ELK1: variants seen among roughly 807,000 people sequenced by gnomAD.
ELK1 encodes ETS domain-containing protein Elk-1.
For synonymous variants in ELK1, 163 were observed against 176.3 expected, an observed-to-expected ratio of 0.92 and a Z score of 0.60; for missense variants, 254 against 381.5, an observed-to-expected ratio of 0.67 and a Z score of 2.78.
At chrX:47,642,271 A>G (rs941735886) in intron 2 of ELK1, among the ~76,000 whole-genome samples, 3 of 112,809 alleles carry the variant, frequency 2.7e-5, no homozygotes, top group Non-Finnish European at 5.6e-5. Context: ...ACAGAACTGT[A>G]AGATAACAAA....
intron 2 of ELK1, among the ~76,000 whole-genome samples, chrX:47,644,760 G>A (rs759325512): frequency 1.7e-4 from 19 of 110,588 alleles, no homozygotes; most frequent in Non-Finnish European, 3.4e-4. Context: ...GAGGAGGGAG[G>A]CAGCGGGAGA....
At position 47,639,140 on chromosome X, in the gene ELK1, C is replaced by T. The variant is rs746386556; in HGVS notation, c.409G>A (p.Ala137Thr). 9.1e-6 allele frequency: 11 copies of T among 1,205,666 alleles called. No homozygotes were observed. Among genetic ancestry groups the T allele is most frequent in the South Asian group, 8.9e-5 (5 of 55,970 alleles). The change falls in exon 4 of 7, where the codon GCA (alanine) becomes ACA (threonine). Residue 137 changes from alanine (A) to threonine (T), a missense_variant. By Grantham distance (58) the Ala-to-Thr change is moderately conservative. Transcript: ENST00000376983. Reference protein sequence around the residue: ...VSGKPGTPKGAGMAGPGGLAR... With the variant: ...VSGKPGTPKGTGMAGPGGLAR... The stretch of plus-strand genomic sequence containing the variant: ...AAACCGCCTGGGCCTGCCATTCCTG[C>T]ACCCTTGGGTGTGCCTGGCTTTCCA...
At chrX:47,646,876 C>G (rs140286515) in intron 2 of ELK1, among the ~76,000 whole-genome samples, 2,044 of 111,900 alleles carry the variant, frequency 0.018, 20 homozygotes, top group Middle Eastern at 0.055. Context: ...TCCAGCCACA[C>G]TGGCCGCCTT....
chrX:47,636,777 G>A lies in ELK1; in HGVS notation c.*52C>T, dbSNP rs1356566961. 9.8e-6 allele frequency: 10 copies of A among 1,025,388 alleles called. No individual in the cohort carries two copies. The highest frequency in any genetic ancestry group is 7.2e-5 in the Admixed American group (2 of 27,628). The allele number at this position is 1,025,388 out of a possible 1,213,427, so 84.5% of individuals were successfully genotyped here. A position where few individuals can be genotyped will look rare whatever the true frequency, so the allele number is the denominator to read the frequency against. ...TTTCTCCTTGAGATGGCTGGCTGGAGAGAGCATGGATGGAGTGACCCCAGA... is the reference window on the plus strand; with the variant it reads ...TTTCTCCTTGAGATGGCTGGCTGGAAAGAGCATGGATGGAGTGACCCCAGA... On this transcript the variant is annotated 3_prime_UTR_variant, in exon 7 of 7. Coordinates refer to ENST00000376983, the MANE Select transcript of ELK1 (RefSeq NM_001114123.3).
intron 2 of ELK1, among the ~76,000 whole-genome samples, chrX:47,647,442 G>A (rs2058047307): frequency 9.0e-6 from 1 of 111,635 alleles, no homozygotes; most frequent in African/African-American, 3.3e-5. Flanking sequence ...GATTACTGGT[G>A]TTAGCCACCG....
At position 47,638,883 on chromosome X, in the gene ELK1, T is replaced by A; in HGVS notation, c.654+12A>T. The A allele has an allele frequency of 8.4e-7, 1 of 1,195,623 alleles. No homozygotes were observed. Among genetic ancestry groups the A allele is most frequent in the Non-Finnish European group, 1.1e-6 (1 of 887,491 alleles). On this transcript the variant is annotated intron_variant, in intron 4 of 6. Coordinates refer to ENST00000376983, the MANE Select transcript of ELK1 (RefSeq NM_001114123.3). ...GCCTCCTCTTACTGAATTTCTATAT[T>A]CCAGTCCTTACCTGCAGAGGCAAGC...
intron 3 of ELK1, among the ~76,000 whole-genome samples, chrX:47,640,827 A>T (rs1054088590): frequency 5.3e-5 from 6 of 112,189 alleles, no homozygotes; most frequent in Non-Finnish European, 9.4e-5. Flanking sequence ...ATAAGAGAAG[A>T]CTATGAAATA....
chrX:47,639,011 C>A lies in ELK1; in HGVS notation c.538G>T (p.Val180Leu). The change falls in exon 4 of 7, where the codon GTG becomes TTG. Residue 180 changes from valine to leucine, a missense_variant. Coordinates refer to ENST00000376983, the MANE Select transcript of ELK1 (RefSeq NM_001114123.3). ...CCTGCAGGAGCTGCACTGGGGAGCA[C>A]CACAGCAGGCCGAGGATGAGGGGGT... ...QPPPHPRPAV[V>L]LPSAAPAGAA... 7.5e-6 allele frequency: 9 copies of A among 1,201,463 alleles called. No homozygotes were observed. The highest frequency in any genetic ancestry group is 1.0e-5 in the Non-Finnish European group (9 of 890,616).
intron 2 of ELK1, among the ~76,000 whole-genome samples, chrX:47,642,616 T>TG (rs1457577752): frequency 3.7e-5 from 4 of 107,068 alleles, no homozygotes; most frequent in Non-Finnish European, 7.7e-5. Context: ...TTTTTTGAGA[T>TG]GGAGTCTCTC....
chrX:47,650,190 A>C (rs1370121967), intron 1 of ELK1, among the ~76,000 whole-genome samples, 164 bp from the exon 2 acceptor site: 1 of 109,858 alleles, frequency 9.1e-6, no homozygotes, highest in Non-Finnish European at 1.9e-5. Flanking sequence ...GAAAAACATA[A>C]GCACGCAGAC....
intron 4 of ELK1, 103 bp from the exon 5 acceptor site, chrX:47,638,285 A>T (rs2058016654): frequency 2.0e-6 from 2 of 996,738 alleles, no homozygotes; most frequent in East Asian, 6.6e-5. Context: ...GGCACTTGGT[A>T]CTCAGGGCAT....
intron 1 of ELK1, 70 bp downstream of exon 1, chrX:47,650,353 T>G: frequency 3.9e-6 from 1 of 256,603 alleles, no homozygotes; most frequent in Non-Finnish European, 7.4e-6. Context: ...AGCCACATCC[T>G]CTGCGCGGGG....
rs752325820 is a variant in ELK1, at chrX:47,639,275, C to T, written c.274G>A (p.Ala92Thr). 43 of 1,207,725 alleles carry T rather than the reference C, an allele frequency of 3.6e-5. No individual in the cohort carries two copies. In the Admixed American group the frequency reaches 3.9e-4, roughly 11 times the overall value. ...GGGCAGTCCTCAGTGGAGCACCCTGCGACCTCAGGGTAGGACACAAACTTG... is the reference window on the plus strand; with the variant it reads ...GGGCAGTCCTCAGTGGAGCACCCTGTGACCTCAGGGTAGGACACAAACTTG... ...VYKFVSYPEV[A>T]GCSTEDCPPQ... The change falls in exon 4 of 7, where the codon GCA becomes ACA. Residue 92 changes from alanine to threonine, a missense_variant. Transcript: ENST00000376983.
chrX:47,640,246 G>C (rs141435861), intron 3 of ELK1, among the ~76,000 whole-genome samples: 2 of 110,688 alleles, frequency 1.8e-5, no homozygotes, highest in Non-Finnish European at 3.8e-5. Flanking sequence ...TATTGTTCTG[G>C]AGGGTTGAGC....
intron 2 of ELK1, among the ~76,000 whole-genome samples, chrX:47,649,694 C>T (rs2058053582): frequency 9.1e-6 from 1 of 110,325 alleles, no homozygotes; most frequent in Non-Finnish European, 1.9e-5. Context: ...CTAAACTAAC[C>T]CACTATTAAA....
At position 47,638,123 on chromosome X, in the gene ELK1, C is replaced by G; in HGVS notation, c.714G>C (p.Pro238=). Residue 238 remains proline (P), a synonymous_variant, in exon 5 of 7, where the codon CCG becomes CCC. Transcript: ENST00000376983. ...NLKSEELNVE[P]GLGRALPPEV... is the part of the protein sequence containing the mutation. ...CTGGGGGCAAAGCCCGGCCCAAACCCGGCTCCACATTAAGCTCTTCCGATT... is the reference window on the plus strand; with the variant it reads ...CTGGGGGCAAAGCCCGGCCCAAACCGGGCTCCACATTAAGCTCTTCCGATT... 1 of 1,210,682 alleles carries G rather than the reference C, an allele frequency of 8.3e-7. No homozygotes were observed. The highest frequency in any genetic ancestry group is 1.1e-6 in the Non-Finnish European group (1 of 895,062).
In ELK1 at chrX:47,637,754, T is replaced by C. The variant is rs2058013667; in HGVS notation, c.1083A>G (p.Thr361=). The change falls in exon 5 of 7, where the codon ACA becomes ACG. Residue 361 remains threonine, a synonymous_variant. Transcript: ENST00000376983. ...CCACCCCTCCGCAGGCACTCACCAA[T>C]GTATGCGTAGGAAGCAGGGATGGGG... ...ALTPSLLPTH[T]LTPVLLTPSS... is the part of the protein sequence containing the mutation. 1 of 1,187,497 alleles carries C rather than the reference T, an allele frequency of 8.4e-7. No individual in the cohort carries two copies. Among genetic ancestry groups the C allele is most frequent in the Non-Finnish European group, 1.1e-6 (1 of 882,492 alleles).
At position 47,635,825 on chromosome X, in the gene ELK1, G is replaced by T. The variant is rs1261423766; in HGVS notation, c.*1004C>A. The T allele has an allele frequency of 1.8e-5, 2 of 111,156 alleles. No homozygotes were observed. Among genetic ancestry groups the T allele is most frequent in the Admixed American group, 9.5e-5 (1 of 10,473 alleles). The allele number at this position is 111,156 out of a possible 1,213,427, so 9.2% of individuals were successfully genotyped here. On this transcript the variant is annotated 3_prime_UTR_variant, in exon 7 of 7. Coordinates refer to ENST00000376983, the MANE Select transcript of ELK1 (RefSeq NM_001114123.3). ...CCTTTGTACCCGCCCGCAGGAAATT[G>T]GGGGGCTGGGAGGGAGGGAACTGAA...
At chrX:47,638,293 C>T in intron 4 of ELK1, 111 bp from the exon 5 acceptor site, 2 of 917,549 alleles carry the variant, frequency 2.2e-6, no homozygotes, top group Admixed American at 5.4e-5. Context: ...GTACTCAGGG[C>T]ATGACTGCAC....
Sources: allele counts gnomAD v4.1 joint callset (sites outside exome capture counted in the v4.1 genomes callset), GRCh38; gene constraint gnomAD v4.1.1; transcripts MANE v1.5; gene names NCBI Gene and HGNC (gene_info 2026-07-23, HGNC 2026-07-21).